The following RANBP17 variants were observed in gnomAD, a reference collection of about 807,000 sequenced individuals.
RANBP17 encodes the protein RAN binding protein 17.
Under a neutral mutation model 141.2 loss-of-function variants are expected in RANBP17, and 158 were observed. The ratio of observed to expected loss-of-function variants is 1.12; its 90% CI spans 0.98 to 1.28. The LOEUF (loss-of-function observed/expected upper bound fraction) is 1.28, where lower values mean the gene tolerates loss of function less well. RANBP17 is among the 50% of genes most tolerant of loss of function. The pLI, the probability that RANBP17 is intolerant of heterozygous loss-of-function variation, is 0.00. For synonymous variants in RANBP17, 430 were observed against 450.0 expected (o/e 0.96, Z 0.56); for missense variants, 1,438 against 1,290.7 (o/e 1.11, Z -1.75).
At chr5:171,252,235 GAA>G (rs1267826554) in intron 24 of RANBP17, 2 of 1,573,866 alleles carry the variant, frequency 1.3e-6, no homozygotes, top group African/African-American at 2.7e-5. Flanking sequence ...TATTTTACAA[GAA>G]GAGAGAAAGC....
At chr5:171,009,010 T>A (rs1389480370) in intron 14 of RANBP17, among the ~76,000 whole-genome samples, 1 of 152,234 alleles carries the variant, frequency 6.6e-6, no homozygotes, top group Non-Finnish European at 1.5e-5. Flanking sequence ...ACTTATTTAT[T>A]TGGCACTGCT....
intron 14 of RANBP17, among the ~76,000 whole-genome samples, chr5:171,093,401 G>A (rs759027428): frequency 3.3e-5 from 5 of 151,828 alleles, no homozygotes; most frequent in Non-Finnish European, 7.4e-5. Context: ...TGATTATAAG[G>A]AATCACACAC....
intron 11 of RANBP17, among the ~76,000 whole-genome samples, chr5:170,923,343 T>C (rs1419143774): frequency 6.6e-6 from 1 of 152,238 alleles, no homozygotes; most frequent in African/African-American, 2.4e-5. Context: ...CTGGACTCTG[T>C]CTTCATTAAT....
At position 171,093,801 on chromosome 5, in the gene RANBP17, TA is replaced by T. The variant is rs546482932; in HGVS notation, c.1711-76326del. Among the ~76,000 whole-genome samples, 17 of 152,350 alleles carry T rather than the reference TA, an allele frequency of 1.1e-4. No homozygotes were observed. The East Asian group carries it at 3.3e-3, about 29-fold the overall frequency. On this transcript the variant is annotated intron_variant, in intron 14 of 27. Coordinates refer to ENST00000523189, the MANE Select transcript of RANBP17 (RefSeq NM_022897.5). ...CTTTGGGCAATAGAGTAATGCAGAC[TA>T]AATCAAAGCTGGATATGAGCCAAGA...
At chr5:171,174,209 T>C (rs1172736330) in intron 16 of RANBP17, among the ~76,000 whole-genome samples, 3 of 152,200 alleles carry the variant, frequency 2.0e-5, no homozygotes, top group African/African-American at 7.2e-5. Context: ...GAGTAACTGT[T>C]TAACATACTC....
intron 25 of RANBP17, among the ~76,000 whole-genome samples, chr5:171,290,380 AAG>A (rs1491233532): frequency 5.4e-5 from 8 of 147,136 alleles, no homozygotes; most frequent in African/African-American, 2.0e-4. Context: ...AAAAAAAAAA[AAG>A]AAAGAAAGAA....
intron 14 of RANBP17, among the ~76,000 whole-genome samples, chr5:171,035,081 A>G (rs569256326): frequency 2.1e-5 from 3 of 144,392 alleles, no homozygotes; most frequent in African/African-American, 5.9e-5. Context: ...AAATGAAATT[A>G]TAAGTATAAG....
chr5:170,871,072 G>A (rs1402963550), intron 1 of RANBP17, among the ~76,000 whole-genome samples: 3 of 151,814 alleles, frequency 2.0e-5, no homozygotes, highest in Non-Finnish European at 4.4e-5. Context: ...CTTATGAGAT[G>A]GAGTCTTGCA....
intron 18 of RANBP17, among the ~76,000 whole-genome samples, chr5:171,185,389 T>G (rs1237028433): frequency 6.6e-6 from 1 of 152,150 alleles, no homozygotes; most frequent in Non-Finnish European, 1.5e-5. Flanking sequence ...CACAAAAGAT[T>G]TTTCTGTAGC....
At chr5:171,079,882 T>C (rs1429351227) in intron 14 of RANBP17, among the ~76,000 whole-genome samples, 1 of 152,160 alleles carries the variant, frequency 6.6e-6, no homozygotes, top group Non-Finnish European at 1.5e-5. Context: ...GGTGTGTCGG[T>C]ATTTGGGAAG....
At position 170,892,430 on chromosome 5, in the gene RANBP17, T is replaced by C; in HGVS notation, c.300T>C (p.Ala100=). 6.2e-7 allele frequency: 1 copy of C among 1,613,702 alleles called. No individual in the cohort carries two copies. Among genetic ancestry groups the C allele is most frequent in the Non-Finnish European group, 8.5e-7 (1 of 1,179,854 alleles). The change falls in exon 4 of 28, where the codon GCT becomes GCC. Residue 100 remains alanine, a synonymous_variant. Transcript: ENST00000523189. ...LNYVASQPKL[A]PFVIQALIQV... ...ACGTGGCATCACAGCCCAAGCTGGC[T>C]CCCTTTGTCATCCAAGCTCTTATTC...
At chr5:171,268,259 T>A (rs55971982) in intron 25 of RANBP17, among the ~76,000 whole-genome samples, 20,419 of 152,100 alleles carry the variant, frequency 0.13, 1,567 homozygotes, top group East Asian at 0.21. Context: ...AAAGTAAAAT[T>A]CAAGGGGAGG....
At chr5:171,043,520 G>A (rs912521201) in intron 14 of RANBP17, among the ~76,000 whole-genome samples, 1 of 151,994 alleles carries the variant, frequency 6.6e-6, no homozygotes, top group African/African-American at 2.4e-5. Context: ...CATTCATTTG[G>A]GTGTTAGATG....
At position 171,202,291 on chromosome 5, in the gene RANBP17, G is replaced by A. The variant is rs563254965; in HGVS notation, c.2142+2518G>A. ...TAGCTTTAGAGTACTCTTTCAAAAC[G>A]TATGTTTCCCCCTATAATTATGTCC... On this transcript the variant is annotated intron_variant, in intron 19 of 27. Coordinates refer to ENST00000523189, the MANE Select transcript of RANBP17 (RefSeq NM_022897.5). Among the ~76,000 whole-genome samples the A allele has an allele frequency of 1.1e-4, 16 of 152,160 alleles. 1 individual carries two copies. The highest frequency in any genetic ancestry group is 4.1e-4 in the South Asian group (2 of 4,822).
In RANBP17 at chr5:171,025,282, T is replaced by C. The variant is rs950810321; in HGVS notation, c.1710+56905T>C. 3.9e-5 allele frequency among the ~76,000 whole-genome samples: 6 copies of C among 152,316 alleles called. No homozygotes were observed. The South Asian group carries it at 1.2e-3, about 32-fold the overall frequency. On this transcript the variant is annotated intron_variant, in intron 14 of 27. Coordinates refer to ENST00000523189, the MANE Select transcript of RANBP17 (RefSeq NM_022897.5). ...AAAATCAGTGGCTTCCCAGTGTTTT[T>C]AGGATAAAGATCAAAGTCTTTTCCA...
rs140068789 is a variant in RANBP17, at chr5:170,984,235, A to G, written c.1710+15858A>G. ...ACTGACCAGTTTGTCATCCGGGTGTATGGTTTCTTTCTGAGGTACATAGAT... is the reference window on the plus strand; with the variant it reads ...ACTGACCAGTTTGTCATCCGGGTGTGTGGTTTCTTTCTGAGGTACATAGAT... On this transcript the variant is annotated intron_variant, in intron 14 of 27. Coordinates refer to ENST00000523189, the MANE Select transcript of RANBP17 (RefSeq NM_022897.5). 3.3e-3 allele frequency among the ~76,000 whole-genome samples: 500 copies of G among 152,224 alleles called. 2 individuals are homozygous for G. The highest frequency in any genetic ancestry group is 0.011 in the African/African-American group (466 of 41,530).
At chr5:171,101,188 A>T (rs1359800966) in intron 14 of RANBP17, among the ~76,000 whole-genome samples, 1 of 152,178 alleles carries the variant, frequency 6.6e-6, no homozygotes, top group Admixed American at 6.5e-5. Flanking sequence ...TCTAATATTG[A>T]CAGTGGAGTG....
At position 171,262,151 on chromosome 5, in the gene RANBP17, T is replaced by G. The variant is rs1766375573; in HGVS notation, c.2777-3530T>G. Among the ~76,000 whole-genome samples the G allele has an allele frequency of 2.0e-5, 3 of 152,202 alleles. No individual in the cohort carries two copies. The South Asian group carries it at 6.2e-4, about 32-fold the overall frequency. On this transcript the variant is annotated intron_variant, in intron 24 of 27. Transcript: ENST00000523189. The stretch of plus-strand genomic sequence containing the variant: ...CAAATCTATGTGAAGTCTTTATAAT[T>G]TTTATATGATTGATAGCATATTGCT...
intron 24 of RANBP17, among the ~76,000 whole-genome samples, chr5:171,262,661 C>T (rs1766410308): frequency 6.6e-6 from 1 of 152,154 alleles, no homozygotes; most frequent in African/African-American, 2.4e-5. Context: ...TCAAAATCTG[C>T]TCTTTTAGCT....
Sources: gnomAD v4.1 joint callset for allele counts (sites outside exome capture counted in the v4.1 genomes callset) on GRCh38, gnomAD v4.1.1 for gene constraint, MANE v1.5 for transcripts, NCBI Gene and HGNC (gene_info 2026-07-23, HGNC 2026-07-21) for gene names.